Variants in SHQ1 observed in about 807,000 individuals in gnomAD.
SHQ1 encodes SHQ1, H/ACA ribonucleoprotein assembly factor.
SHQ1 carries 49 observed loss-of-function variants against 53.8 expected under a neutral mutation model. That is an observed-to-expected ratio of 0.91 (90% CI 0.72 to 1.16). SHQ1 has a LOEUF of 1.16. SHQ1 is among the 50% of genes most tolerant of loss of function. SHQ1 has a pLI of 0.00. For missense variants in SHQ1, 738 were observed against 683.1 expected (o/e 1.08, Z -0.90); for synonymous variants, 243 against 251.0 (o/e 0.97, Z 0.30).
chr3:72,728,318 G>A, the SHQ1 span, among the ~76,000 whole-genome samples: 1 of 152,172 alleles, frequency 6.6e-6, no homozygotes, highest in Admixed American at 6.5e-5. Context: ...ACCCTTTCCT[G>A]TCAGTCTGAC....
At chr3:72,775,415 T>G (rs186673568) in intron 10 of SHQ1, among the ~76,000 whole-genome samples, 1 of 146,664 alleles carries the variant, frequency 6.8e-6, no homozygotes, top group Non-Finnish European at 1.5e-5. Flanking sequence ...AAAATCTGAA[T>G]AAATAGTTAA....
At chr3:72,766,904 G>A (rs1440368180) in intron 10 of SHQ1, among the ~76,000 whole-genome samples, 1 of 152,212 alleles carries the variant, frequency 6.6e-6, no homozygotes, top group Non-Finnish European at 1.5e-5. Context: ...CTAACCCCAT[G>A]TGGCTGTCGG....
At chr3:72,777,145 T>G (rs887112961) in intron 10 of SHQ1, among the ~76,000 whole-genome samples, 3 of 152,148 alleles carry the variant, frequency 2.0e-5, no homozygotes, top group Non-Finnish European at 4.4e-5. Flanking sequence ...ATCCAAATCA[T>G]AAAAACTTTC....
At chr3:72,818,694 G>A (rs1002217615) in intron 6 of SHQ1, among the ~76,000 whole-genome samples, 11 of 152,156 alleles carry the variant, frequency 7.2e-5, no homozygotes, top group African/African-American at 2.2e-4. Flanking sequence ...TACGACCAAG[G>A]CAATGGGACA....
intron 9 of SHQ1, among the ~76,000 whole-genome samples, chr3:72,801,923 A>T (rs912121883): frequency 2.6e-5 from 4 of 152,228 alleles, no homozygotes; most frequent in African/African-American, 9.6e-5. Context: ...GTTCTTAGCT[A>T]ATTTCTCACG....
chr3:72,744,927 G>C (rs865862539), downstream of SHQ1, among the ~76,000 whole-genome samples: 3 of 143,044 alleles, frequency 2.1e-5, no homozygotes, highest in Admixed American at 7.0e-5. Flanking sequence ...ATACATTGGG[G>C]GGGGGGGGTG....
At chr3:72,743,469 A>T in the SHQ1 span, among the ~76,000 whole-genome samples, 1 of 152,258 alleles carries the variant, frequency 6.6e-6, no homozygotes, top group Non-Finnish European at 1.5e-5. Context: ...CCAGGAGATG[A>T]GGACCCCAGA....
the SHQ1 span, among the ~76,000 whole-genome samples, chr3:72,729,382 G>C: frequency 6.6e-6 from 1 of 152,192 alleles, no homozygotes; most frequent in African/African-American, 2.4e-5. Context: ...CTTGGAGCCT[G>C]GGGCCGCTGC....
At chr3:72,784,165 TA>T (rs74266966) in intron 10 of SHQ1, among the ~76,000 whole-genome samples, 32,198 of 145,540 alleles carry the variant, frequency 0.22, 3,692 homozygotes, top group Non-Finnish European at 0.25. Flanking sequence ...AATTACAAAT[TA>T]AAAAAAAAAA....
chr3:72,766,898 C>T (rs1705742884), intron 10 of SHQ1, among the ~76,000 whole-genome samples: 1 of 152,198 alleles, frequency 6.6e-6, no homozygotes, highest in Non-Finnish European at 1.5e-5. Flanking sequence ...GGGCCACTAA[C>T]CCCATGTGGC....
intron 10 of SHQ1, among the ~76,000 whole-genome samples, chr3:72,760,476 G>T (rs1705584984): frequency 1.3e-5 from 2 of 152,148 alleles, no homozygotes; most frequent in South Asian, 4.1e-4. Context: ...ATTCTTTAAG[G>T]GAGCACAGAA....
intron 6 of SHQ1, among the ~76,000 whole-genome samples, chr3:72,821,181 T>C (rs1344043820): frequency 6.6e-6 from 1 of 152,184 alleles, no homozygotes; most frequent in Non-Finnish European, 1.5e-5. Flanking sequence ...GCTACAACTT[T>C]CAAAGTTGAC....
downstream of SHQ1, among the ~76,000 whole-genome samples, chr3:72,747,708 C>T (rs1705279966): frequency 6.6e-6 from 1 of 152,176 alleles, no homozygotes; most frequent in South Asian, 2.1e-4. Flanking sequence ...TGAGAGGGGG[C>T]TGGGTGCGGT....
chr3:72,747,841 T>C (rs2106692513), downstream of SHQ1, among the ~76,000 whole-genome samples: 1 of 148,428 alleles, frequency 6.7e-6, no homozygotes. Context: ...TACAAAAAAT[T>C]AGCCAGGTGT....
rs1200897509 is a variant in SHQ1 at position 72,832,384 on chromosome 3, T to G, written c.584A>C (p.Asp195Ala). 1 of 1,611,156 alleles carries G rather than the reference T, an allele frequency of 6.2e-7. No individual in the cohort carries two copies. Among genetic ancestry groups the G allele is most frequent in the East Asian group, 2.2e-5 (1 of 44,862 alleles). Reference sequence around the variant, plus strand: ...CATTACTCACAGATAATGATCAGGATCAAACTTGGCCAGCTCAGCGGCCAG... The same window carrying G: ...CATTACTCACAGATAATGATCAGGAGCAAACTTGGCCAGCTCAGCGGCCAG... The part of the protein sequence containing the change: ...KRLAAELAKF[D>A]PDHYLADFFE... Residue 195 changes from aspartate (D) to alanine (A), a missense_variant, in exon 5 of 11, where the codon GAT becomes GCT. Physicochemically the swap from Asp to Ala is moderately radical, Grantham distance 126 (BLOSUM62 -2). Transcript: ENST00000325599.
intron 4 of SHQ1, 23 bp from the exon 5 acceptor site, chr3:72,832,504 G>T (rs1192323457): frequency 4.7e-6 from 7 of 1,497,586 alleles, no homozygotes; most frequent in African/African-American, 1.4e-5. Context: ...AGAAAAGAAA[G>T]AATAATTGCT....
chr3:72,842,987 T>C (rs1575742649), intron 2 of SHQ1, among the ~76,000 whole-genome samples: 6 of 150,680 alleles, frequency 4.0e-5, no homozygotes, highest in Admixed American at 4.0e-4. Flanking sequence ...TGAGGCAGGA[T>C]AATCGCTTGA....
At chr3:72,815,810 A>G (rs997654344) in intron 7 of SHQ1, among the ~76,000 whole-genome samples, 8 of 152,228 alleles carry the variant, frequency 5.3e-5, no homozygotes, top group African/African-American at 1.9e-4. Context: ...GCACTTAAGA[A>G]GCTGCTAGAA....
chr3:72,748,971 GCACACA>G (rs34002344), downstream of SHQ1, among the ~76,000 whole-genome samples: 226 of 144,164 alleles, frequency 1.6e-3, 1 homozygote, highest in African/African-American at 3.0e-3. Context: ...ACACGCACAC[GCACACA>G]CACACACACA....
Sources: allele counts gnomAD v4.1 joint callset (sites outside exome capture counted in the v4.1 genomes callset), GRCh38; gene constraint gnomAD v4.1.1; transcripts MANE v1.5; gene names NCBI Gene and HGNC (gene_info 2026-07-23, HGNC 2026-07-21).